The following KCNN2 variants were observed in gnomAD, a reference collection of about 807,000 sequenced individuals.
The protein encoded by KCNN2 is potassium calcium-activated channel subfamily N member 2, also known as small conductance calcium-activated potassium channel protein 2.
In KCNN2, 24 loss-of-function variants were observed where a neutral mutation model predicts 55.5. That is an observed-to-expected ratio of 0.43 (90% CI 0.31 to 0.61). KCNN2 has a LOEUF of 0.61. Ranked by LOEUF, KCNN2 falls within the 20% of genes least tolerant of loss-of-function variation. The pLI is 0.08. For missense variants in KCNN2, 754 were observed against 853.6 expected (o/e 0.88, Z 1.45); for synonymous variants, 431 against 336.1 (o/e 1.28, Z -3.09).
intron 2 of KCNN2, among the ~76,000 whole-genome samples, chr5:114,282,955 T>G (rs551870309): frequency 6.6e-6 from 1 of 152,330 alleles, no homozygotes; most frequent in African/African-American, 2.4e-5. Flanking sequence ...GCTACTCCTA[T>G]GAATTTAATC....
chr5:114,303,986 A>G (rs1756218408), intron 2 of KCNN2, among the ~76,000 whole-genome samples: 1 of 152,208 alleles, frequency 6.6e-6, no homozygotes, highest in South Asian at 2.1e-4. Flanking sequence ...GGGCTGGGAT[A>G]TAATTTAGGA....
chr5:114,315,535 ATTAC>A lies in KCNN2; in HGVS notation c.-184-45406_-184-45403del, dbSNP rs558796243. Among the ~76,000 whole-genome samples, 394 of 151,208 alleles carry A rather than the reference ATTAC, an allele frequency of 2.6e-3. 2 individuals are homozygous for A. Among genetic ancestry groups the A allele is most frequent in the Non-Finnish European group, 4.4e-3 (298 of 67,808 alleles). Reference sequence around the variant, plus strand: ...TATTTGTGATTCATGTTCATATTTTATTACTTATTTTAGTGGTTTTAAAATAAAT... The same window carrying A: ...TATTTGTGATTCATGTTCATATTTTATTATTTTAGTGGTTTTAAAATAAAT... On this transcript the variant is annotated intron_variant, in intron 2 of 10. Transcript: ENST00000512097.
chr5:114,496,094 T>C lies in KCNN2; in HGVS notation c.2288T>C (p.Val763Ala), dbSNP rs1580939323. The C allele has an allele frequency of 6.2e-7, 1 of 1,613,978 alleles. No individual in the cohort carries two copies. Among genetic ancestry groups the C allele is most frequent in the East Asian group, 2.2e-5 (1 of 44,842 alleles). Residue 763 changes from valine to alanine, a missense_variant, in exon 8 of 8, where the codon GTC (valine) becomes GCC (alanine). By Grantham distance (64) the Val-to-Ala change is moderately conservative. Transcript: ENST00000673685. ...EAQMESYDKH[V>A]TYNAERSRSS... ...CAGATGGAGAGCTACGACAAGCACG[T>C]CACTTACAATGCTGAGCGGTCCCGG... is the stretch of plus-strand genomic sequence containing the variant.
intron 1 of KCNN2, among the ~76,000 whole-genome samples, chr5:114,057,641 T>C (rs1346222575): frequency 1.3e-5 from 2 of 152,102 alleles, no homozygotes; most frequent in Non-Finnish European, 1.5e-5. Flanking sequence ...TTTCAGGTAG[T>C]GGTAGATACT....
intron 1 of KCNN2, among the ~76,000 whole-genome samples, chr5:114,068,097 A>G (rs1750488412): frequency 6.6e-6 from 1 of 152,254 alleles, no homozygotes; most frequent in African/African-American, 2.4e-5. Flanking sequence ...AATTACCACA[A>G]GACTGGTAAG....
intron 2 of KCNN2, among the ~76,000 whole-genome samples, chr5:114,277,458 T>C (rs1263609187): frequency 2.0e-5 from 3 of 152,202 alleles, no homozygotes; most frequent in Non-Finnish European, 4.4e-5. Context: ...ATTCTCCCCG[T>C]CACTTTTAGG....
chr5:114,188,843 G>A (rs1245450466), intron 1 of KCNN2, among the ~76,000 whole-genome samples: 1 of 152,148 alleles, frequency 6.6e-6, no homozygotes, highest in Non-Finnish European at 1.5e-5. Flanking sequence ...ACCTGTTCCT[G>A]GAGGAGAAAT....
intron 2 of KCNN2, among the ~76,000 whole-genome samples, chr5:114,402,977 A>T (rs148711689): frequency 2.2e-4 from 33 of 152,304 alleles, no homozygotes; most frequent in African/African-American, 7.9e-4. Context: ...AAGAGAGTAG[A>T]GTGAGGTGCG....
intron 1 of KCNN2, among the ~76,000 whole-genome samples, chr5:114,157,237 T>C (rs1752655527): frequency 6.7e-6 from 1 of 149,478 alleles, no homozygotes; most frequent in Non-Finnish European, 1.5e-5. Flanking sequence ...TTCCCACCTA[T>C]GAGTGAGAAC....
chr5:114,280,583 T>C (rs571899579), intron 2 of KCNN2, among the ~76,000 whole-genome samples: 17 of 152,312 alleles, frequency 1.1e-4, no homozygotes, highest in Non-Finnish European at 2.4e-4. Flanking sequence ...CTTGTTTTTG[T>C]CTGGTTTGTC....
At chr5:114,417,919 C>T (rs1272086116) in intron 3 of KCNN2, among the ~76,000 whole-genome samples, 1 of 152,138 alleles carries the variant, frequency 6.6e-6, no homozygotes, top group African/African-American at 2.4e-5. Context: ...ATATCTGGGT[C>T]AGATAAAACC....
At chr5:114,276,562 T>G (rs544860958) in intron 2 of KCNN2, among the ~76,000 whole-genome samples, 1 of 152,160 alleles carries the variant, frequency 6.6e-6, no homozygotes, top group East Asian at 1.9e-4. Context: ...TTTGTTGAAT[T>G]GATCCCTTTA....
At chr5:114,202,496 AAT>A (rs10555014) in intron 1 of KCNN2, among the ~76,000 whole-genome samples, 2,880 of 139,800 alleles carry the variant, frequency 0.021, 52 homozygotes, top group East Asian at 0.13. Flanking sequence ...CTTCATGCCT[AAT>A]ATATATATAT....
intron 1 of KCNN2, among the ~76,000 whole-genome samples, chr5:114,147,989 A>C (rs924654175): frequency 1.3e-5 from 2 of 152,174 alleles, no homozygotes; most frequent in Non-Finnish European, 2.9e-5. Flanking sequence ...TATCATCCAC[A>C]TAACGAAGAA....
chr5:114,320,281 A>G (rs1225707489), intron 2 of KCNN2, among the ~76,000 whole-genome samples: 2 of 152,094 alleles, frequency 1.3e-5, no homozygotes, highest in African/African-American at 4.8e-5. Context: ...GTATTAGATT[A>G]GTGAGGGTTA....
intron 3 of KCNN2, among the ~76,000 whole-genome samples, chr5:114,450,131 G>T (rs1325119465): frequency 1.3e-5 from 2 of 152,236 alleles, no homozygotes; most frequent in African/African-American, 4.8e-5. Context: ...GCATCCGTCA[G>T]CTGGCCGCTA....
intron 1 of KCNN2, among the ~76,000 whole-genome samples, chr5:114,060,492 AT>A (rs531312665): frequency 6.6e-6 from 1 of 151,980 alleles, no homozygotes; most frequent in African/African-American, 2.4e-5. Flanking sequence ...AAAATGAAGA[AT>A]TTTTTTTGCT....
intron 1 of KCNN2, among the ~76,000 whole-genome samples, chr5:114,180,551 A>G (rs918740317): frequency 1.3e-5 from 2 of 152,178 alleles, no homozygotes; most frequent in African/African-American, 4.8e-5. Context: ...AAGCCATTCT[A>G]TGCAAAAATA....
intron 2 of KCNN2, among the ~76,000 whole-genome samples, chr5:114,354,381 T>C (rs10060646): frequency 0.04 from 6,099 of 152,136 alleles, 370 homozygotes; most frequent in African/African-American, 0.14. Context: ...CAATTAGATA[T>C]ACTAGAAAAT....
Sources: gnomAD v4.1 joint callset for allele counts (sites outside exome capture counted in the v4.1 genomes callset) on GRCh38, gnomAD v4.1.1 for gene constraint, MANE v1.5 for transcripts, NCBI Gene and HGNC (gene_info 2026-07-23, HGNC 2026-07-21) for gene names.